Variants in ERBB4 observed in about 807,000 individuals in gnomAD.
The protein encoded by ERBB4 is erb-b2 receptor tyrosine kinase 4.
Under a neutral mutation model 158.0 loss-of-function variants are expected in ERBB4, and 42 were observed. That is an observed-to-expected ratio of 0.27 (90% CI 0.21 to 0.34). The LOEUF (loss-of-function observed/expected upper bound fraction) is 0.34, where lower values mean the gene tolerates loss of function less well. ERBB4 is among the 10% of genes least tolerant of loss of function. The pLI is 1.00. For synonymous variants in ERBB4, 583 were observed against 558.7 expected (o/e 1.04, Z -0.61); for missense variants, 1,333 against 1,624.1 (o/e 0.82, Z 3.08).
intron 2 of ERBB4, among the ~76,000 whole-genome samples, chr2:212,114,664 T>G (rs1007846003): frequency 6.6e-6 from 1 of 152,242 alleles, no homozygotes; most frequent in Non-Finnish European, 1.5e-5. Context: ...TGAATACTTC[T>G]CATTGCTTCT....
At chr2:212,137,322 T>C (rs1383687179) in intron 1 of ERBB4, among the ~76,000 whole-genome samples, 2 of 152,088 alleles carry the variant, frequency 1.3e-5, no homozygotes, top group Non-Finnish European at 2.9e-5. Flanking sequence ...ATCCTCTCTC[T>C]CCTCCCACTC....
chr2:211,544,841 T>C (rs1434764120), intron 20 of ERBB4, among the ~76,000 whole-genome samples: 2 of 152,084 alleles, frequency 1.3e-5, no homozygotes, highest in Non-Finnish European at 2.9e-5. Flanking sequence ...AACACTTAGA[T>C]TAAAAAGACA....
At chr2:211,626,799 C>A (rs573699993) in intron 17 of ERBB4, among the ~76,000 whole-genome samples, 11 of 151,996 alleles carry the variant, frequency 7.2e-5, no homozygotes, top group African/African-American at 2.7e-4. Context: ...TTGGCGGGCG[C>A]CTGTAGTCCC....
rs750966942 is a variant in ERBB4 at position 211,665,477 on chromosome 2, C to T, written c.1717G>A (p.Gly573Ser). Reference sequence around the variant, plus strand: ...GAGCACTTTGTACAGTTGTCAGGACCCTGAAATGTGAAAACGAAAAAAAAA... The same window carrying T: ...GAGCACTTTGTACAGTTGTCAGGACTCTGAAATGTGAAAACGAAAAAAAAA... ...EDGLLTCHGP[G>S]PDNCTKCSHF... is the part of the protein sequence containing the mutation. The change falls in exon 15 of 28, where the codon GGT becomes AGT. Residue 573 changes from glycine (G) to serine (S), a missense_variant and splice_region_variant. This residue lies in a region of ERBB4 where 245 missense variants were observed against 247.5 expected (regional missense o/e 0.99). Coordinates refer to ENST00000342788, the MANE Select transcript of ERBB4 (RefSeq NM_005235.3). The T allele has an allele frequency of 1.1e-5, 18 of 1,613,678 alleles. No individual in the cohort carries two copies. The highest frequency in any genetic ancestry group is 1.4e-5 in the Non-Finnish European group (17 of 1,179,860).
intron 3 of ERBB4, among the ~76,000 whole-genome samples, chr2:211,894,582 T>A (rs1000578514): frequency 2.6e-5 from 4 of 152,074 alleles, no homozygotes; most frequent in Non-Finnish European, 5.9e-5. Flanking sequence ...TTCATTTCAC[T>A]AAACTCATTT....
At chr2:211,465,940 G>A (rs1034381322) in intron 20 of ERBB4, among the ~76,000 whole-genome samples, 3 of 152,062 alleles carry the variant, frequency 2.0e-5, no homozygotes, top group Non-Finnish European at 4.4e-5. Flanking sequence ...GGTCTTAATC[G>A]GTGCTGAAGC....
At position 211,988,592 on chromosome 2, in the gene ERBB4, A is replaced by C. The variant is rs150636685; in HGVS notation, c.235-40976T>G. Reference sequence around the variant, plus strand: ...TCTGAGCTACTGATTCAAGTTTCTAAATTATTCTTTACAATTGAAGATGGG... The same window carrying C: ...TCTGAGCTACTGATTCAAGTTTCTACATTATTCTTTACAATTGAAGATGGG... On this transcript the variant is annotated intron_variant, in intron 2 of 27. Transcript: ENST00000342788. 3.1e-3 allele frequency among the ~76,000 whole-genome samples: 474 copies of C among 152,132 alleles called. 3 individuals carry two copies. The highest frequency in any genetic ancestry group is 0.017 in the Middle Eastern group (5 of 294).
At chr2:212,518,879 C>A (rs1691988324) in intron 1 of ERBB4, among the ~76,000 whole-genome samples, 1 of 151,826 alleles carries the variant, frequency 6.6e-6, no homozygotes, top group Non-Finnish European at 1.5e-5. Flanking sequence ...GGTCTGGGGA[C>A]CTGAATAGTT....
intron 1 of ERBB4, among the ~76,000 whole-genome samples, chr2:212,400,661 TCTGAAA>T (rs1175257517): frequency 6.6e-6 from 1 of 152,198 alleles, no homozygotes; most frequent in Non-Finnish European, 1.5e-5. Flanking sequence ...GGATTTGGTC[TCTGAAA>T]CTGAAGCTAT....
intron 3 of ERBB4, among the ~76,000 whole-genome samples, chr2:211,924,633 T>C (rs2079966592): frequency 6.6e-6 from 1 of 152,184 alleles, no homozygotes. Context: ...GATCTCATTC[T>C]ACACAGAATA....
intron 2 of ERBB4, among the ~76,000 whole-genome samples, chr2:212,063,492 T>C (rs886140378): frequency 1.3e-5 from 2 of 152,106 alleles, no homozygotes; most frequent in African/African-American, 4.8e-5. Context: ...AAATTTCAGA[T>C]GTTAAAATGT....
chr2:211,530,840 G>A (rs569367655), intron 20 of ERBB4, among the ~76,000 whole-genome samples: 11 of 152,110 alleles, frequency 7.2e-5, no homozygotes, highest in East Asian at 1.9e-4. Context: ...AGTGAGCCAC[G>A]ATCATGCCAC....
At chr2:211,849,634 G>A (rs1268843565) in intron 3 of ERBB4, among the ~76,000 whole-genome samples, 1 of 151,856 alleles carries the variant, frequency 6.6e-6, no homozygotes, top group Non-Finnish European at 1.5e-5. Flanking sequence ...AAGATGTAGA[G>A]AAGCCTACTC....
At chr2:212,110,794 G>C (rs1000276888) in intron 2 of ERBB4, among the ~76,000 whole-genome samples, 1 of 152,198 alleles carries the variant, frequency 6.6e-6, no homozygotes, top group Non-Finnish European at 1.5e-5. Context: ...AAGACACCTA[G>C]ATTATTGCCC....
chr2:211,993,742 T>C (rs978241486), intron 2 of ERBB4, among the ~76,000 whole-genome samples: 2 of 151,762 alleles, frequency 1.3e-5, no homozygotes, highest in African/African-American at 4.8e-5. Flanking sequence ...TGGGAACAAT[T>C]AGATTTGATT....
intron 1 of ERBB4, among the ~76,000 whole-genome samples, chr2:212,406,587 GA>G (rs1438007091): frequency 6.6e-6 from 1 of 152,102 alleles, no homozygotes; most frequent in African/African-American, 2.4e-5. Context: ...TAAGATTACA[GA>G]AAAGCCAGAC....
At chr2:212,214,048 G>A (rs570228379) in intron 1 of ERBB4, among the ~76,000 whole-genome samples, 13 of 151,942 alleles carry the variant, frequency 8.6e-5, no homozygotes, top group Non-Finnish European at 1.6e-4. Flanking sequence ...AACACCTCAT[G>A]CTGACCTTTA....
chr2:211,953,873 T>C (rs1157450956), intron 2 of ERBB4, among the ~76,000 whole-genome samples: 1 of 151,714 alleles, frequency 6.6e-6, no homozygotes, highest in Non-Finnish European at 1.5e-5. Context: ...CATGATTTTT[T>C]AAAAATGACA....
intron 3 of ERBB4, among the ~76,000 whole-genome samples, chr2:211,802,011 G>C (rs2076508778): frequency 6.6e-6 from 1 of 152,166 alleles, no homozygotes; most frequent in African/African-American, 2.4e-5. Context: ...TGTAATCCCT[G>C]CACTTTGGGA....
Sources: allele counts gnomAD v4.1 joint callset (sites outside exome capture counted in the v4.1 genomes callset), GRCh38; gene constraint gnomAD v4.1.1; regional missense constraint gnomAD v4.1.1; transcripts MANE v1.5; gene names NCBI Gene and HGNC (gene_info 2026-07-23, HGNC 2026-07-21).